Variants in GABRR2 observed in about 807,000 individuals in gnomAD.
GABRR2 encodes the protein gamma-aminobutyric acid receptor subunit rho-2.
GABRR2 carries 36 observed loss-of-function variants against 47.0 expected under a neutral mutation model. That is an observed-to-expected ratio of 0.77 (90% CI 0.59 to 1.01). The LOEUF (loss-of-function observed/expected upper bound fraction) is 1.01, where lower values mean the gene tolerates loss of function less well. Among genes scored for constraint, GABRR2 ranks in the 50% least tolerant of loss-of-function variants. The pLI, the probability that GABRR2 is intolerant of heterozygous loss-of-function variation, is 0.00. For synonymous variants in GABRR2, 204 were observed against 227.5 expected, an observed-to-expected ratio of 0.90 and a Z score of 0.93; for missense variants, 587 against 594.6, an observed-to-expected ratio of 0.99 and a Z score of 0.13.
intron 2 of GABRR2, among the ~76,000 whole-genome samples, chr6:89,285,540 C>T (rs1434835533): frequency 6.6e-6 from 1 of 152,180 alleles, no homozygotes; most frequent in East Asian, 1.9e-4. Flanking sequence ...AGCAGCATCA[C>T]CATCACCCGG....
intron 2 of GABRR2, among the ~76,000 whole-genome samples, chr6:89,285,388 G>A (rs893818752): frequency 6.6e-5 from 10 of 152,160 alleles, no homozygotes; most frequent in African/African-American, 1.9e-4. Flanking sequence ...GGGGGTAATC[G>A]AACGTTTCAG....
At chr6:89,291,290 A>T (rs1189841395) in intron 2 of GABRR2, among the ~76,000 whole-genome samples, 1 of 151,976 alleles carries the variant, frequency 6.6e-6, no homozygotes, top group African/African-American at 2.4e-5. Flanking sequence ...ATCCAACCTC[A>T]GCCCGTCTAG....
intron 2 of GABRR2, among the ~76,000 whole-genome samples, chr6:89,282,942 C>T (rs181661114): frequency 6.1e-4 from 93 of 152,332 alleles, no homozygotes; most frequent in African/African-American, 2.2e-3. Context: ...ACTACGGTGC[C>T]GACTCCATCC....
chr6:89,257,502 G>A lies in GABRR2; in HGVS notation c.*168C>T, dbSNP rs1382098967. 3.2e-6 allele frequency: 2 copies of A among 620,546 alleles called. No homozygotes were observed. The highest frequency in any genetic ancestry group is 5.6e-6 in the Non-Finnish European group (2 of 356,956). The allele number at this position is 620,546 out of a possible 1,614,324, so 38.4% of individuals were successfully genotyped here. A position where few individuals can be genotyped will look rare whatever the true frequency, so the allele number is the denominator to read the frequency against. On this transcript the variant is annotated 3_prime_UTR_variant, in exon 9 of 9. Coordinates refer to ENST00000402938, the MANE Select transcript of GABRR2 (RefSeq NM_002043.5). ...GCAGCCCCACGGGGTCTGGGGTCAG[G>A]GCAGCTGGAAGGCTCCTGGGCTTCT... is the stretch of plus-strand genomic sequence containing the variant.
At chr6:89,300,897 T>C (rs1219118621) in intron 1 of GABRR2, among the ~76,000 whole-genome samples, 1 of 151,968 alleles carries the variant, frequency 6.6e-6, no homozygotes, top group African/African-American at 2.4e-5. Context: ...GAGGCCAGCA[T>C]CATCCTGATA....
intron 2 of GABRR2, among the ~76,000 whole-genome samples, chr6:89,285,647 G>A (rs1774321903): frequency 6.6e-6 from 1 of 152,034 alleles, no homozygotes; most frequent in Non-Finnish European, 1.5e-5. Context: ...AAGGTAGCCT[G>A]GTGGGTGATG....
intron 2 of GABRR2, among the ~76,000 whole-genome samples, chr6:89,279,843 C>T (rs1774226465): frequency 6.6e-6 from 1 of 152,066 alleles, no homozygotes; most frequent in Non-Finnish European, 1.5e-5. Flanking sequence ...GCTTATCAGG[C>T]TATCATTAGG....
chr6:89,309,111 G>T (rs1196403824), intron 1 of GABRR2, among the ~76,000 whole-genome samples: 1 of 152,158 alleles, frequency 6.6e-6, no homozygotes, highest in Non-Finnish European at 1.5e-5. Context: ...AAACAGCAGA[G>T]CAAATGTCCT....
chr6:89,263,600 G>C (rs1773805847), intron 8 of GABRR2, among the ~76,000 whole-genome samples: 1 of 152,194 alleles, frequency 6.6e-6, no homozygotes, highest in Admixed American at 6.5e-5. Context: ...TCAGCTCACT[G>C]TAACCTCTGC....
At chr6:89,280,048 A>G (rs965179913) in intron 2 of GABRR2, among the ~76,000 whole-genome samples, 10 of 151,946 alleles carry the variant, frequency 6.6e-5, no homozygotes, top group Non-Finnish European at 8.8e-5. Flanking sequence ...CATCTCTACT[A>G]AAAATACAAG....
At chr6:89,260,136 G>T (rs903737135) in intron 8 of GABRR2, among the ~76,000 whole-genome samples, 1 of 151,804 alleles carries the variant, frequency 6.6e-6, no homozygotes, top group Non-Finnish European at 1.5e-5. Context: ...CAAATTCCTG[G>T]GTTCAAGGGA....
chr6:89,284,378 G>T (rs1774300063), intron 2 of GABRR2, among the ~76,000 whole-genome samples: 1 of 152,210 alleles, frequency 6.6e-6, no homozygotes, highest in African/African-American at 2.4e-5. Flanking sequence ...AGAACCTGGG[G>T]ATGTGTGTGG....
chr6:89,263,486 T>TAGTAC (rs1378631870), intron 8 of GABRR2, among the ~76,000 whole-genome samples: 1 of 152,192 alleles, frequency 6.6e-6, no homozygotes, highest in Non-Finnish European at 1.5e-5. Context: ...TAGTATAATA[T>TAGTAC]AGTACAGTAC....
In GABRR2 at chr6:89,315,293, G is replaced by A; in HGVS notation, c.-128C>T. On this transcript the variant is annotated 5_prime_UTR_variant, in exon 1 of 9. Transcript: ENST00000402938. ...TGCTCTGAGGGGCTGTGAGGGCAAG[G>A]CTGGCCAGGCTAGTTGTCCCGATTT... 2 of 1,553,990 alleles carry A rather than the reference G, an allele frequency of 1.3e-6. No individual in the cohort carries two copies. Among genetic ancestry groups the A allele is most frequent in the Non-Finnish European group, 1.7e-6 (2 of 1,149,328 alleles).
intron 1 of GABRR2, chr6:89,302,640 A>G (rs530436107): frequency 2.1e-5 from 27 of 1,273,428 alleles, no homozygotes; most frequent in African/African-American, 2.1e-4. Context: ...CACCCCTCAG[A>G]TGTTTGATGC....
chr6:89,296,324 G>A (rs892036258), intron 2 of GABRR2, among the ~76,000 whole-genome samples: 7 of 152,258 alleles, frequency 4.6e-5, no homozygotes, highest in African/African-American at 1.7e-4. Flanking sequence ...TGGCTGGCCA[G>A]AACTCTGGGT....
At chr6:89,271,830 G>T in intron 2 of GABRR2, 108 bp from the exon 3 acceptor site, 1 of 829,076 alleles carries the variant, frequency 1.2e-6, no homozygotes, top group Non-Finnish European at 2.0e-6. Context: ...GCAGAGTAGG[G>T]CAGAGGTTTA....
intron 8 of GABRR2, 82 bp from the exon 9 acceptor site, chr6:89,258,063 A>G (rs1300423278): frequency 2.4e-5 from 30 of 1,268,862 alleles, no homozygotes; most frequent in Non-Finnish European, 3.1e-5. Context: ...GCAAAGCCAC[A>G]TTGCTACTCA....
intron 2 of GABRR2, among the ~76,000 whole-genome samples, chr6:89,291,566 C>T (rs989899049): frequency 1.3e-5 from 2 of 152,068 alleles, no homozygotes; most frequent in African/African-American, 2.4e-5. Context: ...TACCCTTCTT[C>T]TTGCCTTTTC....
Sources: allele counts gnomAD v4.1 joint callset (sites outside exome capture counted in the v4.1 genomes callset), GRCh38; gene constraint gnomAD v4.1.1; transcripts MANE v1.5; gene names NCBI Gene and HGNC (gene_info 2026-07-23, HGNC 2026-07-21).